Variants in EFNA5 observed in about 807,000 individuals in gnomAD.
EFNA5 encodes the protein ephrin-A5.
In EFNA5, 5 loss-of-function variants were observed where a neutral mutation model predicts 22.9. The ratio of observed to expected loss-of-function variants is 0.22; its 90% CI spans 0.11 to 0.46. The LOEUF is 0.46. Ranked by LOEUF, EFNA5 falls within the 20% of genes least tolerant of loss-of-function variation. EFNA5 has a pLI of 0.99. For synonymous variants in EFNA5, 113 were observed against 112.2 expected, an observed-to-expected ratio of 1.01 and a Z score of -0.04; for missense variants, 237 against 293.3, an observed-to-expected ratio of 0.81 and a Z score of 1.40.
At chr5:107,633,650 A>G (rs539237787) in intron 1 of EFNA5, among the ~76,000 whole-genome samples, 1 of 152,214 alleles carries the variant, frequency 6.6e-6, no homozygotes, top group African/African-American at 2.4e-5. Context: ...TGTTCCTTTT[A>G]TCAGTGACAG....
intron 1 of EFNA5, among the ~76,000 whole-genome samples, chr5:107,526,578 T>C (rs1475011185): frequency 6.6e-6 from 1 of 152,364 alleles, no homozygotes; most frequent in East Asian, 1.9e-4. Flanking sequence ...TATGTGCTTT[T>C]CTATTCAGTC....
chr5:107,384,995 C>T (rs1400161296), intron 4 of EFNA5, among the ~76,000 whole-genome samples: 2 of 151,850 alleles, frequency 1.3e-5, no homozygotes, highest in Non-Finnish European at 2.9e-5. Flanking sequence ...AGTGAAGATA[C>T]TCACCAGCAA....
chr5:107,463,583 C>A (rs913729401), intron 1 of EFNA5, among the ~76,000 whole-genome samples: 5 of 152,044 alleles, frequency 3.3e-5, no homozygotes, highest in Non-Finnish European at 7.4e-5. Flanking sequence ...AATTGTGATA[C>A]TTGGTAAAAA....
At chr5:107,611,525 A>G (rs906287966) in intron 1 of EFNA5, among the ~76,000 whole-genome samples, 7 of 152,238 alleles carry the variant, frequency 4.6e-5, no homozygotes, top group African/African-American at 1.4e-4. Flanking sequence ...CAAGTCCGGT[A>G]TGTAAATATA....
At chr5:107,633,731 A>G (rs1219945743) in intron 1 of EFNA5, among the ~76,000 whole-genome samples, 1 of 152,210 alleles carries the variant, frequency 6.6e-6, no homozygotes, top group Non-Finnish European at 1.5e-5. Flanking sequence ...GACAGCAGGG[A>G]GCACATTCAC....
chr5:107,485,989 A>G (rs931597301), intron 1 of EFNA5, among the ~76,000 whole-genome samples: 5 of 152,328 alleles, frequency 3.3e-5, no homozygotes, highest in African/African-American at 9.6e-5. Flanking sequence ...TTTCAGGTTC[A>G]CCTTTAAAAC....
intron 2 of EFNA5, among the ~76,000 whole-genome samples, chr5:107,388,029 A>G (rs1039675156): frequency 1.3e-5 from 2 of 152,202 alleles, no homozygotes; most frequent in African/African-American, 4.8e-5. Flanking sequence ...CTGTGAAGAA[A>G]TACTTTGGAT....
At chr5:107,413,010 A>G (rs978018245) in intron 2 of EFNA5, among the ~76,000 whole-genome samples, 4 of 152,180 alleles carry the variant, frequency 2.6e-5, no homozygotes, top group Non-Finnish European at 5.9e-5. Flanking sequence ...TTTGACAGAA[A>G]CTAGGAAAGT....
intron 1 of EFNA5, among the ~76,000 whole-genome samples, chr5:107,559,580 G>A (rs1442838122): frequency 6.6e-6 from 1 of 152,100 alleles, no homozygotes; most frequent in East Asian, 1.9e-4. Flanking sequence ...AACTACATCT[G>A]TTTATGTTCA....
At chr5:107,583,909 AGG>A (rs1374117543) in intron 1 of EFNA5, among the ~76,000 whole-genome samples, 2 of 152,136 alleles carry the variant, frequency 1.3e-5, no homozygotes, top group Non-Finnish European at 1.5e-5. Flanking sequence ...GGCCAAATCC[AGG>A]TAGGTTTTCT....
chr5:107,670,343 G>T, intron 1 of EFNA5, 146 bp downstream of exon 1: 2 of 1,075,466 alleles, frequency 1.9e-6, no homozygotes, highest in African/African-American at 1.7e-5. Flanking sequence ...GCTTCCCGCC[G>T]ACGCCTCAAG....
At chr5:107,513,747 T>A (rs1747422263) in intron 1 of EFNA5, among the ~76,000 whole-genome samples, 1 of 152,030 alleles carries the variant, frequency 6.6e-6, no homozygotes, top group African/African-American at 2.4e-5. Flanking sequence ...AAAAACAGGC[T>A]CTTCACTGAG....
chr5:107,609,797 G>C (rs181748907), intron 1 of EFNA5, among the ~76,000 whole-genome samples: 3 of 152,256 alleles, frequency 2.0e-5, no homozygotes, highest in Admixed American at 2.0e-4. Flanking sequence ...CAGCCACCGT[G>C]CCCCTGCCCG....
chr5:107,607,054 T>C (rs921167715), intron 1 of EFNA5, among the ~76,000 whole-genome samples: 1 of 152,172 alleles, frequency 6.6e-6, no homozygotes, highest in Non-Finnish European at 1.5e-5. Context: ...AGGTAAACAA[T>C]TGAAACAAAA....
At chr5:107,444,399 C>T (rs1231937958) in intron 1 of EFNA5, among the ~76,000 whole-genome samples, 2 of 152,212 alleles carry the variant, frequency 1.3e-5, no homozygotes, top group African/African-American at 4.8e-5. Flanking sequence ...CAAAGGCAGA[C>T]AAAATTTGTA....
At chr5:107,654,313 C>G (rs536407903) in intron 1 of EFNA5, among the ~76,000 whole-genome samples, 1 of 152,078 alleles carries the variant, frequency 6.6e-6, no homozygotes, top group African/African-American at 2.4e-5. Context: ...AACTACTTAA[C>G]CATAAGGATT....
At chr5:107,587,262 T>C (rs58880008) in intron 1 of EFNA5, among the ~76,000 whole-genome samples, 26,302 of 152,040 alleles carry the variant, frequency 0.17, 2,716 homozygotes, top group African/African-American at 0.28. Context: ...GTCTCCTCCT[T>C]CTTATCCTAG....
intron 1 of EFNA5, among the ~76,000 whole-genome samples, chr5:107,623,700 G>T (rs1388050247): frequency 6.8e-6 from 1 of 147,766 alleles, no homozygotes; most frequent in East Asian, 1.9e-4. Flanking sequence ...AAGAGGAGGG[G>T]GAGATTCAAA....
intron 1 of EFNA5, among the ~76,000 whole-genome samples, chr5:107,627,557 G>T: frequency 6.7e-6 from 1 of 149,540 alleles, no homozygotes; most frequent in East Asian, 2.0e-4. Context: ...GACTGCTTGA[G>T]CCCAGGAGTT....
Sources: allele counts gnomAD v4.1 joint callset (sites outside exome capture counted in the v4.1 genomes callset), GRCh38; gene constraint gnomAD v4.1.1; transcripts MANE v1.5; gene names NCBI Gene and HGNC (gene_info 2026-07-23, HGNC 2026-07-21).